The following FCAR variants were observed in gnomAD, a reference collection of about 807,000 sequenced individuals.
FCAR encodes the protein Fc alpha receptor.
Under a neutral mutation model 27.1 loss-of-function variants are expected in FCAR, and 21 were observed. The observed-to-expected ratio is 0.77, with a 90% CI of 0.55 to 1.11. The LOEUF is 1.11. FCAR is among the 50% of genes most tolerant of loss of function. The probability of loss-of-function intolerance (pLI) is 0.00; values close to 1 mark genes in which losing one functional copy is unlikely to be tolerated. For missense variants in FCAR, 404 were observed against 358.4 expected (o/e 1.13, Z -1.03); for synonymous variants, 134 against 135.8 (o/e 0.99, Z 0.09).
chr19:54,888,347 C>T, intron 4 of FCAR, 53 bp downstream of exon 4: 4 of 1,596,356 alleles, frequency 2.5e-6, no homozygotes, highest in Non-Finnish European at 3.4e-6. Context: ...CAGGGCCTTG[C>T]CACCGGGCAG....
At position 54,888,385 on chromosome 19, in the gene FCAR, A is replaced by C. The variant is rs1450388782; in HGVS notation, c.649+91A>C. 3 of 1,536,582 alleles carry C rather than the reference A, an allele frequency of 2.0e-6. No homozygotes were observed. The Admixed American group carries it at 6.0e-5, about 31-fold the overall frequency. ...ATATGAAGACGTGCACTGAGAGTGA[A>C]GTGAAGAGAGGCAAAGGCTCTCACT... On this transcript the variant is annotated intron_variant, in intron 4 of 4. Coordinates refer to ENST00000355524, the MANE Select transcript of FCAR (RefSeq NM_002000.4).
At chr19:54,880,007 A>G (rs2066325078) in intron 2 of FCAR, among the ~76,000 whole-genome samples, 1 of 151,954 alleles carries the variant, frequency 6.6e-6, no homozygotes, top group Non-Finnish European at 1.5e-5. Flanking sequence ...TTTCATTTCT[A>G]CCTTGAAGAA....
Position 54,889,811 on chromosome 19 carries a change from A to G in FCAR, c.812A>G (p.Gln271Arg). ...GTGGCTGAACCGAGCTGGAGCCAAC[A>G]GATGTGTCAGCCAGGATTGACCTTT... ...ADVAEPSWSQ[Q>R]MCQPGLTFAR... Residue 271 changes from glutamine (Q) to arginine (R), a missense_variant, in exon 5 of 5, where the codon CAG (glutamine) becomes CGG (arginine). By Grantham distance (43) the Gln-to-Arg change is conservative. Transcript: ENST00000355524. The G allele has an allele frequency of 6.2e-7, 1 of 1,611,236 alleles. No homozygotes were observed. Among genetic ancestry groups the G allele is most frequent in the Non-Finnish European group, 8.5e-7 (1 of 1,180,016 alleles).
chr19:54,879,915 G>T (rs587637162), intron 2 of FCAR, among the ~76,000 whole-genome samples: 1 of 152,240 alleles, frequency 6.6e-6, no homozygotes, highest in East Asian at 1.9e-4. Flanking sequence ...TCAATCTCCT[G>T]ACCTCGTGAT....
intron 4 of FCAR, chr19:54,888,907 AAC>A: frequency 1.0e-6 from 1 of 985,438 alleles, no homozygotes; most frequent in Non-Finnish European, 1.2e-6. Context: ...ATGAAAAGAA[AAC>A]ACAACCTGCC....
Position 54,888,041 on chromosome 19 carries a change from G to T in FCAR, c.396G>T (p.Arg132=), listed in dbSNP as rs751688301. 4 of 1,614,002 alleles carry T rather than the reference G, an allele frequency of 2.5e-6. No individual in the cohort carries two copies. The highest frequency in any genetic ancestry group is 3.4e-6 in the Non-Finnish European group (4 of 1,179,906). ...LYGKPFLSAD[R]GLVLMPGENI... ...GCAAACCCTTCCTCTCTGCAGATCG[G>T]GGTCTGGTGTTGATGCCAGGAGAGA... is the stretch of plus-strand genomic sequence containing the variant. The change falls in exon 4 of 5, where the codon CGG becomes CGT. Residue 132 remains arginine, a synonymous_variant. Transcript: ENST00000355524.
At chr19:54,886,206 C>A (rs1270695600) in intron 3 of FCAR, among the ~76,000 whole-genome samples, 10 of 150,984 alleles carry the variant, frequency 6.6e-5, no homozygotes, top group Admixed American at 3.3e-4. Context: ...CAAGATCACA[C>A]CACTGCACTC....
At chr19:54,875,063 C>T (rs1569530031) in intron 1 of FCAR, among the ~76,000 whole-genome samples, 2 of 151,618 alleles carry the variant, frequency 1.3e-5, no homozygotes, top group Admixed American at 6.6e-5. Context: ...CCCAGCTACT[C>T]GTGCGGCTGA....
chr19:54,884,295 A>G (rs1194377735), intron 2 of FCAR, among the ~76,000 whole-genome samples: 1 of 152,172 alleles, frequency 6.6e-6, no homozygotes, highest in East Asian at 1.9e-4. Context: ...TCTGGGGTCA[A>G]TGCCTGCGGA....
chr19:54,887,787 C>T (rs148373081), intron 3 of FCAR, among the ~76,000 whole-genome samples: 6,856 of 148,546 alleles, frequency 0.046, 185 homozygotes, highest in Middle Eastern at 0.11. Flanking sequence ...CGTGGTGGTA[C>T]GCACCTGTAA....
Position 54,889,962 on chromosome 19 carries a change from TAC to T in FCAR, c.*100_*101del. 1.1e-6 allele frequency: 1 copy of T among 884,268 alleles called. No individual in the cohort carries two copies. Among genetic ancestry groups the T allele is most frequent in the Non-Finnish European group, 1.7e-6 (1 of 578,764 alleles). The allele number at this position is 884,268 out of a possible 1,614,324, so 54.8% of individuals were successfully genotyped here. ...AAAAGCTCACTAAGAAGCTTGAATC[TAC>T]TTTTTTTTTTTTTTGAGACAGAGTC... On this transcript the variant is annotated 3_prime_UTR_variant, in exon 5 of 5. Transcript: ENST00000355524.
chr19:54,889,007 G>A (rs1046970655), intron 4 of FCAR: 1 of 566,986 alleles, frequency 1.8e-6, no homozygotes, highest in African/African-American at 2.1e-5. Context: ...GGCAGCTGTT[G>A]CAGTGAGCCA....
intron 2 of FCAR, among the ~76,000 whole-genome samples, chr19:54,877,073 G>A (rs2066140101): frequency 6.6e-6 from 1 of 152,156 alleles, no homozygotes; most frequent in Non-Finnish European, 1.5e-5. Context: ...GTTTTGTTGT[G>A]TCTCTGCCAT....
rs1195810998 is a variant in FCAR at position 54,890,840 on chromosome 19, C to T, written c.*977C>T. ...TTTTTTTGTTGAAGTGAGGCTCTCC[C>T]TATGTTGCCTAAGCTGGTCTTGAAC... On this transcript the variant is annotated 3_prime_UTR_variant, in exon 5 of 5. Transcript: ENST00000355524. 6.6e-6 allele frequency: 1 copy of T among 152,000 alleles called. No homozygotes were observed. The highest frequency in any genetic ancestry group is 1.9e-4 in the East Asian group (1 of 5,192). 9.4% of individuals were successfully genotyped at this position (152,000 alleles called of 1,614,324 possible).
rs374427185 is a variant in FCAR, at chr19:54,889,964, C to CT, written c.*115dup. On this transcript the variant is annotated 3_prime_UTR_variant, in exon 5 of 5. Transcript: ENST00000355524. The stretch of plus-strand genomic sequence containing the variant: ...AAGCTCACTAAGAAGCTTGAATCTA[C>CT]TTTTTTTTTTTTTTGAGACAGAGTC... 76,802 of 635,414 alleles carry CT rather than the reference C, an allele frequency of 0.12. 2 individuals are homozygous for CT. The highest frequency in any genetic ancestry group is 0.16 in the East Asian group (4,814 of 30,928). 39.4% of individuals were successfully genotyped at this position (635,414 alleles called of 1,614,324 possible).
chr19:54,885,099 C>T, intron 2 of FCAR, 136 bp from the exon 3 acceptor site: 1 of 748,668 alleles, frequency 1.3e-6, no homozygotes, highest in South Asian at 1.9e-5. Flanking sequence ...AGCTACCGCA[C>T]CCGGCCTAAA....
chr19:54,888,833 C>T, intron 4 of FCAR: 2 of 990,106 alleles, frequency 2.0e-6, no homozygotes, highest in Non-Finnish European at 2.4e-6. Context: ...ATTAGGATTC[C>T]ACCTTGTTCT....
In FCAR at chr19:54,885,408, G is replaced by C; in HGVS notation, c.244G>C (p.Asp82His). The C allele has an allele frequency of 3.1e-6, 5 of 1,614,026 alleles. No individual in the cohort carries two copies. The highest frequency in any genetic ancestry group is 4.2e-6 in the Non-Finnish European group (5 of 1,179,980). Residue 82 changes from aspartate (D) to histidine (H), a missense_variant, in exon 3 of 5, where the codon GAT becomes CAT. By Grantham distance (81) the Asp-to-His change is moderately conservative. Transcript: ENST00000355524. ...AAGACTGAAGTTTTGGAATGAGACT[G>C]ATCCTGAGTTCGTCATTGACCACAT... Reference protein sequence around the residue: ...GRRLKFWNETDPEFVIDHMDA... With the variant: ...GRRLKFWNETHPEFVIDHMDA...
At chr19:54,888,734 G>A (rs1290027578) in intron 4 of FCAR, 3 of 785,756 alleles carry the variant, frequency 3.8e-6, no homozygotes, top group East Asian at 1.1e-4. Context: ...TCGAACTCCC[G>A]ACCTCAGGTG....
Sources: gnomAD v4.1 joint callset for allele counts (sites outside exome capture counted in the v4.1 genomes callset) on GRCh38, gnomAD v4.1.1 for gene constraint, MANE v1.5 for transcripts, NCBI Gene and HGNC (gene_info 2026-07-23, HGNC 2026-07-21) for gene names.